The following PTK7 variants were observed in gnomAD, a reference collection of about 807,000 sequenced individuals.
PTK7 encodes the protein protein tyrosine kinase 7 (inactive), also known as inactive tyrosine-protein kinase 7.
Under a neutral mutation model 116.6 loss-of-function variants are expected in PTK7, and 39 were observed. The observed-to-expected ratio is 0.33, with a 90% CI of 0.26 to 0.44. The LOEUF (loss-of-function observed/expected upper bound fraction) is 0.44. Among genes scored for constraint, PTK7 ranks in the 20% least tolerant of loss-of-function variants. The pLI, the probability that PTK7 is intolerant of heterozygous loss-of-function variation, is 1.00. For missense variants in PTK7, 1,169 were observed against 1,425.6 expected (o/e 0.82, Z 2.90); for synonymous variants, 546 against 563.6 (o/e 0.97, Z 0.44).
intron 1 of PTK7, among the ~76,000 whole-genome samples, chr6:43,077,453 G>A (rs1582039923): frequency 6.6e-6 from 1 of 152,108 alleles, no homozygotes; most frequent in East Asian, 1.9e-4. Context: ...TTTTAACGAG[G>A]GTGTGGCCCT....
Position 43,076,385 on chromosome 6 carries a change from C to A in PTK7, c.-104C>A. On this transcript the variant is annotated 5_prime_UTR_variant, in exon 1 of 20. In the 5' UTR this introduces an upstream ATG that the reference lacks. Transcript: ENST00000230419. The surrounding 1 kb of genome is among the most constrained non-coding windows in gnomAD (Gnocchi z 5.7). ...GGTCGGGCTCCGGCTGCGGCTGCTGCTGCGGCGCCCGCGCTCCGGTGCGCT... is the reference window on the plus strand; with the variant it reads ...GGTCGGGCTCCGGCTGCGGCTGCTGATGCGGCGCCCGCGCTCCGGTGCGCT... 2.2e-6 allele frequency: 2 copies of A among 899,726 alleles called. No individual in the cohort carries two copies. Among genetic ancestry groups the A allele is most frequent in the Non-Finnish European group, 1.5e-6 (1 of 675,818 alleles). The allele number at this position is 899,726 out of a possible 1,614,324, so 55.7% of individuals were successfully genotyped here.
At position 43,139,667 on chromosome 6, in the gene PTK7, T is replaced by C. The variant is rs1478194042; in HGVS notation, c.1618+142T>C. On this transcript the variant is annotated intron_variant, in intron 10 of 19. Coordinates refer to ENST00000230419, the MANE Select transcript of PTK7 (RefSeq NM_002821.5). This position sits in a 1 kb window ranked among gnomAD's most constrained non-coding sequence, Gnocchi z 4.6. Reference sequence around the variant, plus strand: ...GTGCAGGGCTGATGTATAGTTTAGTTAGGAAGGAAAAAGCCAGACACAGAA... The same window carrying C: ...GTGCAGGGCTGATGTATAGTTTAGTCAGGAAGGAAAAAGCCAGACACAGAA... 2.9e-6 allele frequency: 4 copies of C among 1,356,828 alleles called. No homozygotes were observed. Among genetic ancestry groups the C allele is most frequent in the Non-Finnish European group, 4.0e-6 (4 of 1,011,962 alleles). The allele number at this position is 1,356,828 out of a possible 1,614,324, so 84.0% of individuals were successfully genotyped here.
chr6:43,087,712 C>G (rs552074760), intron 1 of PTK7, among the ~76,000 whole-genome samples: 16 of 152,314 alleles, frequency 1.1e-4, no homozygotes, highest in South Asian at 1.0e-3. Context: ...TTGGAGGGCC[C>G]TTGCTGAGGC....
chr6:43,077,193 T>G (rs1481151093), intron 1 of PTK7, among the ~76,000 whole-genome samples: 1 of 152,236 alleles, frequency 6.6e-6, no homozygotes, highest in African/African-American at 2.4e-5. Context: ...GCTACTGGTC[T>G]GGAACCCTGC....
chr6:43,160,841 C>G lies in PTK7; in HGVS notation c.3173C>G (p.Ala1058Gly), dbSNP rs201291291. 156 of 1,614,118 alleles carry G rather than the reference C, an allele frequency of 9.7e-5. No individual in the cohort carries two copies. The East Asian group carries it at 3.4e-3, about 36-fold the overall frequency. The change falls in exon 20 of 20, where the codon GCC becomes GGC. Residue 1058 changes from alanine to glycine, a missense_variant. By Grantham distance (60) the Ala-to-Gly change is moderately conservative. Around this residue, in one of 3 missense-constraint regions of PTK7, gnomAD observed 678 missense variants for 853.8 expected, o/e 0.79. Transcript: ENST00000230419. ...GACCGGCCCTCCTTCAGTGAGATTGCCAGCGCCCTGGGAGACAGCACCGTG... is the reference window on the plus strand; with the variant it reads ...GACCGGCCCTCCTTCAGTGAGATTGGCAGCGCCCTGGGAGACAGCACCGTG... Reference protein sequence around the residue: ...PKDRPSFSEIASALGDSTVDS... With the variant: ...PKDRPSFSEIGSALGDSTVDS...
Position 43,129,463 on chromosome 6 carries a change from T to C in PTK7, c.367+199T>C, listed in dbSNP as rs994566579. On this transcript the variant is annotated intron_variant, in intron 2 of 19. Transcript: ENST00000230419. The surrounding 1 kb of genome is among the most constrained non-coding windows in gnomAD (Gnocchi z 4.5). The stretch of plus-strand genomic sequence containing the variant: ...TTTTTCCAAAATTTTTTCCTTCAAG[T>C]CTGGGACCCATTTATCTGCTGCATG... 19 of 834,580 alleles carry C rather than the reference T, an allele frequency of 2.3e-5. No homozygotes were observed. The highest frequency in any genetic ancestry group is 3.1e-5 in the Non-Finnish European group (17 of 550,036). The allele number at this position is 834,580 out of a possible 1,614,324, so 51.7% of individuals were successfully genotyped here. A position where few individuals can be genotyped will look rare whatever the true frequency, so the allele number is the denominator to read the frequency against.
Position 43,110,521 on chromosome 6 carries a change from C to T in PTK7, c.80-18456C>T, listed in dbSNP as rs917283468. Among the ~76,000 whole-genome samples, 7 of 152,226 alleles carry T rather than the reference C, an allele frequency of 4.6e-5. No individual in the cohort carries two copies. In the East Asian group the frequency reaches 1.2e-3, roughly 25 times the overall value. On this transcript the variant is annotated intron_variant, in intron 1 of 19. Coordinates refer to ENST00000230419, the MANE Select transcript of PTK7 (RefSeq NM_002821.5). ...TCCGCCTCTGGGTTCAAGCGATTCT[C>T]TTGCCTCAGCCTCCCAAGTAGCTGG... is the stretch of plus-strand genomic sequence containing the variant.
intron 7 of PTK7, among the ~76,000 whole-genome samples, chr6:43,135,687 G>C (rs1281018738): frequency 6.6e-6 from 1 of 152,234 alleles, no homozygotes; most frequent in South Asian, 2.1e-4. Flanking sequence ...GGTGAGAGGG[G>C]TTGAAGTTGC....
chr6:43,079,928 G>A (rs1293383985), intron 1 of PTK7, among the ~76,000 whole-genome samples: 2 of 151,722 alleles, frequency 1.3e-5, no homozygotes, highest in African/African-American at 4.8e-5. Flanking sequence ...AGGCATGGTG[G>A]CACGTGCCTG....
chr6:43,096,864 A>G (rs1480407997), intron 1 of PTK7, among the ~76,000 whole-genome samples: 4 of 134,942 alleles, frequency 3.0e-5, no homozygotes, highest in African/African-American at 8.7e-5. Context: ...GCATTCATTA[A>G]AAGTAGTGAA....
intron 14 of PTK7, 32 bp from the exon 15 acceptor site, chr6:43,144,419 C>T (rs1770603771): frequency 6.2e-7 from 1 of 1,613,616 alleles, no homozygotes; most frequent in Non-Finnish European, 8.5e-7. Flanking sequence ...TGTCAGGTCT[C>T]ATCGTGACGC....
At chr6:43,113,109 C>A (rs1768281690) in intron 1 of PTK7, among the ~76,000 whole-genome samples, 1 of 152,124 alleles carries the variant, frequency 6.6e-6, no homozygotes, top group Non-Finnish European at 1.5e-5. Context: ...CTCTTCAGAA[C>A]AGTATTGCCC....
In PTK7 at chr6:43,140,803, CTATG is replaced by C. The variant is rs1457018172; in HGVS notation, c.1619-862_1619-859del. ...TTGTAGAATTAGACAATACAGATAA[CTATG>C]TAGTTTTTAAAAATATTTTTTAAAA... On this transcript the variant is annotated intron_variant, in intron 10 of 19. Coordinates refer to ENST00000230419, the MANE Select transcript of PTK7 (RefSeq NM_002821.5). 1.3e-4 allele frequency among the ~76,000 whole-genome samples: 20 copies of C among 151,864 alleles called. 1 individual carries two copies. The highest frequency in any genetic ancestry group is 4.8e-4 in the African/African-American group (20 of 41,382).
intron 1 of PTK7, among the ~76,000 whole-genome samples, chr6:43,077,615 A>C (rs140264568): frequency 6.6e-6 from 1 of 152,214 alleles, no homozygotes; most frequent in Non-Finnish European, 1.5e-5. Flanking sequence ...ACTGGAAATA[A>C]AGCCCCCGAC....
intron 1 of PTK7, among the ~76,000 whole-genome samples, chr6:43,114,555 T>C (rs900249282): frequency 3.9e-5 from 6 of 152,054 alleles, no homozygotes; most frequent in African/African-American, 1.4e-4. Flanking sequence ...TGAAGCCAGA[T>C]CTCGGTGCCT....
At chr6:43,157,364 A>ATATATATATATTTTTTTT (rs70990168) in intron 17 of PTK7, among the ~76,000 whole-genome samples, 4 of 54,362 alleles carry the variant, frequency 7.4e-5, no homozygotes, top group Non-Finnish European at 1.3e-4. Flanking sequence ...ATATATATAT[A>ATATATATATATTTTTTTT]TTTTTTTTTT....
chr6:43,158,826 T>G lies in PTK7; in HGVS notation c.2731T>G (p.Cys911Gly). The part of the protein sequence containing the change: ...PLSTKQKVAL[C>G]TQVALGMEHL... ...CCCTTTATCTCTCCAGGTGGCCCTATGCACCCAGGTAGCCCTGGGCATGGA... is the reference window on the plus strand; with the variant it reads ...CCCTTTATCTCTCCAGGTGGCCCTAGGCACCCAGGTAGCCCTGGGCATGGA... Residue 911 changes from cysteine to glycine, a missense_variant, in exon 18 of 20, where the codon TGC becomes GGC. Cys to Gly is a radical substitution (Grantham distance 159). Around this residue, in one of 3 missense-constraint regions of PTK7, gnomAD observed 678 missense variants for 853.8 expected, o/e 0.79. Coordinates refer to ENST00000230419, the MANE Select transcript of PTK7 (RefSeq NM_002821.5). The G allele has an allele frequency of 6.2e-7, 1 of 1,614,052 alleles. No homozygotes were observed. Among genetic ancestry groups the G allele is most frequent in the Non-Finnish European group, 8.5e-7 (1 of 1,179,936 alleles).
chr6:43,099,122 G>A (rs1767420913), intron 1 of PTK7, among the ~76,000 whole-genome samples: 1 of 146,404 alleles, frequency 6.8e-6, no homozygotes, highest in African/African-American at 2.5e-5. Flanking sequence ...AAAAAAAAAA[G>A]GAAAAAAAAT....
At position 43,144,320 on chromosome 6, in the gene PTK7, G is replaced by C. The variant is rs78035778; in HGVS notation, c.2252-131G>C. The C allele has an allele frequency of 8.1e-3, 7,759 of 953,118 alleles. 403 individuals are homozygous for C. The African/African-American group carries it at 0.11, about 14-fold the overall frequency. 59.0% of individuals were successfully genotyped at this position (953,118 alleles called of 1,614,324 possible). A position where few individuals can be genotyped will look rare whatever the true frequency, so the allele number is the denominator to read the frequency against. On this transcript the variant is annotated intron_variant, in intron 14 of 19. Transcript: ENST00000230419. ...CCCCATTATTTCATCATTTGGGCTT[G>C]CCCTTTCATGTGGAGCACTGTGATT...
Sources: gnomAD v4.1 joint callset for allele counts (sites outside exome capture counted in the v4.1 genomes callset) on GRCh38, gnomAD v4.1.1 for gene constraint, gnomAD v4.1.1 regional missense constraint, Gnocchi (gnomAD v3.1) non-coding constraint, MANE v1.5 for transcripts, NCBI Gene and HGNC (gene_info 2026-07-23, HGNC 2026-07-21) for gene names.